XYLT1: variants seen among roughly 807,000 people sequenced by gnomAD.
XYLT1 encodes the protein beta-D-xylosyltransferase 1.
XYLT1 carries 36 observed loss-of-function variants against 91.3 expected under a neutral mutation model. The observed-to-expected ratio is 0.39, with a 90% confidence interval of 0.30 to 0.52. The LOEUF (loss-of-function observed/expected upper bound fraction) is 0.52. Ranked by LOEUF, XYLT1 falls within the 20% of genes least tolerant of loss-of-function variation. The pLI is 0.68. For missense variants in XYLT1, 1,242 were observed against 1,284.5 expected (o/e 0.97, Z 0.51); for synonymous variants, 588 against 532.0 (o/e 1.11, Z -1.45).
At position 17,149,101 on chromosome 16, in the gene XYLT1, A is replaced by G. The variant is rs140472829; in HGVS notation, c.1371-7732T>C. On this transcript the variant is annotated intron_variant, in intron 6 of 11. Transcript: ENST00000261381. ...CTGAGCATCAAAGTAAATCAGACAG[A>G]GGGTGGGAAGAAGTCCTGATTCTCC... 1.4e-3 allele frequency among the ~76,000 whole-genome samples: 206 copies of G among 152,350 alleles called. 4 individuals are homozygous for G. Among genetic ancestry groups the G allele is most frequent in the African/African-American group, 4.9e-3 (202 of 41,586 alleles).
chr16:17,134,833 G>C, intron 8 of XYLT1, 98 bp from the exon 9 acceptor site: 2 of 1,446,512 alleles, frequency 1.4e-6, no homozygotes, highest in Admixed American at 2.0e-5. Flanking sequence ...GCAAAGCTCT[G>C]CTGGACCCGA....
intron 5 of XYLT1, among the ~76,000 whole-genome samples, chr16:17,191,595 G>A (rs1047696010): frequency 6.6e-6 from 1 of 152,222 alleles, no homozygotes; most frequent in Non-Finnish European, 1.5e-5. Context: ...TAGGTGTGCA[G>A]TAAGTGTCTG....
chr16:17,328,392 C>CA (rs1304515096), intron 2 of XYLT1, among the ~76,000 whole-genome samples: 8 of 151,172 alleles, frequency 5.3e-5, no homozygotes, highest in East Asian at 1.9e-4. Context: ...ACTAAAAATA[C>CA]AAAAAAATTA....
intron 3 of XYLT1, among the ~76,000 whole-genome samples, chr16:17,230,277 C>A (rs1012251948): frequency 1.3e-5 from 2 of 152,290 alleles, no homozygotes; most frequent in South Asian, 2.1e-4. Flanking sequence ...CCCAACTGTC[C>A]TTCCCATGAT....
chr16:17,364,354 C>A (rs1397877153), intron 1 of XYLT1, among the ~76,000 whole-genome samples: 1 of 152,152 alleles, frequency 6.6e-6, no homozygotes, highest in Non-Finnish European at 1.5e-5. Flanking sequence ...CCAGACTGTC[C>A]CAGGAAACCC....
intron 3 of XYLT1, among the ~76,000 whole-genome samples, chr16:17,210,053 C>G (rs1264478026): frequency 6.6e-6 from 1 of 152,170 alleles, no homozygotes; most frequent in African/African-American, 2.4e-5. Context: ...AACACCACAC[C>G]TGGCTAATTA....
intron 2 of XYLT1, among the ~76,000 whole-genome samples, chr16:17,276,307 G>A (rs2033973068): frequency 6.6e-6 from 1 of 152,198 alleles, no homozygotes; most frequent in African/African-American, 2.4e-5. Flanking sequence ...TCTGCTCTCT[G>A]TAAGCTGCGG....
intron 1 of XYLT1, among the ~76,000 whole-genome samples, chr16:17,395,922 G>C (rs564804898): frequency 6.6e-6 from 1 of 152,282 alleles, no homozygotes; most frequent in African/African-American, 2.4e-5. Context: ...TCAGCCAAGG[G>C]GGGCTGTGAT....
chr16:17,358,852 T>C (rs1351354994), intron 1 of XYLT1, among the ~76,000 whole-genome samples: 1 of 152,154 alleles, frequency 6.6e-6, no homozygotes, highest in Non-Finnish European at 1.5e-5. Context: ...AGCAGCTTAA[T>C]TTCTGGTTTG....
At chr16:17,243,178 T>A (rs2033374083) in intron 3 of XYLT1, among the ~76,000 whole-genome samples, 1 of 152,208 alleles carries the variant, frequency 6.6e-6, no homozygotes, top group East Asian at 1.9e-4. Context: ...AGCCTCTGCT[T>A]TAATAATTCA....
Position 17,107,585 on chromosome 16 carries a change from A to G in XYLT1, c.*1110T>C, listed in dbSNP as rs1966795118. On this transcript the variant is annotated 3_prime_UTR_variant, in exon 12 of 12. Coordinates refer to ENST00000261381, the MANE Select transcript of XYLT1 (RefSeq NM_022166.4). The stretch of plus-strand genomic sequence containing the variant: ...CTGAAATGCTATTTCCTGGACGGGA[A>G]AAGTCTGGTTCATGTGGTTTGGTCA... 6.6e-6 allele frequency: 1 copy of G among 152,662 alleles called. No homozygotes were observed. The highest frequency in any genetic ancestry group is 2.1e-4 in the South Asian group (1 of 4,834). The allele number at this position is 152,662 out of a possible 1,614,324, so 9.5% of individuals were successfully genotyped here.
At position 17,229,364 on chromosome 16, in the gene XYLT1, T is replaced by G. The variant is rs540042275; in HGVS notation, c.914-28710A>C. On this transcript the variant is annotated intron_variant, in intron 3 of 11. Coordinates refer to ENST00000261381, the MANE Select transcript of XYLT1 (RefSeq NM_022166.4). ...CAGCTGTGGGCTTATGTGGACCGGA[T>G]GAATGTGACTGTAGTTACACCTAGA... 2.0e-5 allele frequency among the ~76,000 whole-genome samples: 3 copies of G among 152,266 alleles called. No homozygotes were observed. The South Asian group carries it at 6.2e-4, about 32-fold the overall frequency.
chr16:17,126,956 C>A lies in XYLT1; in HGVS notation c.2223+710G>T, dbSNP rs530091903. ...ATCAATGAGTGACCAGATAAAGCAA[C>A]AAGATAATTTTAGATAGTAAATGCT... On this transcript the variant is annotated intron_variant, in intron 10 of 11. Coordinates refer to ENST00000261381, the MANE Select transcript of XYLT1 (RefSeq NM_022166.4). Among the ~76,000 whole-genome samples, 12 of 152,250 alleles carry A rather than the reference C, an allele frequency of 7.9e-5. No homozygotes were observed. In the South Asian group the frequency reaches 2.5e-3, roughly 32 times the overall value.
rs145626087 is a variant in XYLT1, at chr16:17,166,599, C to T, written c.1290-7690G>A. 2.8e-3 allele frequency among the ~76,000 whole-genome samples: 432 copies of T among 152,132 alleles called. 1 individual carries two copies. Among genetic ancestry groups the T allele is most frequent in the African/African-American group, 0.01 (421 of 41,478 alleles). The stretch of plus-strand genomic sequence containing the variant: ...CGATCTCCGCTTACAGTAACCTCCA[C>T]CTCCTGGGTTCGAGAGATTCTCCTG... On this transcript the variant is annotated intron_variant, in intron 5 of 11. Coordinates refer to ENST00000261381, the MANE Select transcript of XYLT1 (RefSeq NM_022166.4).
intron 1 of XYLT1, among the ~76,000 whole-genome samples, chr16:17,369,373 G>A (rs2035497942): frequency 2.6e-5 from 4 of 152,086 alleles, no homozygotes; most frequent in Admixed American, 1.3e-4. Context: ...TCTGATTTGT[G>A]GCTTTTCGTG....
intron 2 of XYLT1, among the ~76,000 whole-genome samples, chr16:17,327,885 G>A (rs1216363068): frequency 2.0e-5 from 3 of 152,026 alleles, no homozygotes; most frequent in African/African-American, 2.4e-5. Flanking sequence ...TCTGGCTCTT[G>A]AAGCATAACT....
At chr16:17,423,572 T>C (rs2036275353) in intron 1 of XYLT1, among the ~76,000 whole-genome samples, 1 of 152,124 alleles carries the variant, frequency 6.6e-6, no homozygotes, top group Non-Finnish European at 1.5e-5. Context: ...CCCTGGGCTT[T>C]TGTGCAGGAG....
chr16:17,114,619 C>T (rs1966848373), intron 11 of XYLT1, among the ~76,000 whole-genome samples: 1 of 152,170 alleles, frequency 6.6e-6, no homozygotes, highest in African/African-American at 2.4e-5. Flanking sequence ...AAGGCACCTC[C>T]TCCCCATGCT....
chr16:17,220,497 T>C (rs1211345320), intron 3 of XYLT1, among the ~76,000 whole-genome samples: 1 of 152,092 alleles, frequency 6.6e-6, no homozygotes, highest in Non-Finnish European at 1.5e-5. Context: ...TTTTGAGACG[T>C]AGTCCCACTC....
Sources: gnomAD v4.1 joint callset for allele counts (sites outside exome capture counted in the v4.1 genomes callset) on GRCh38, gnomAD v4.1.1 for gene constraint, MANE v1.5 for transcripts, NCBI Gene and HGNC (gene_info 2026-07-23, HGNC 2026-07-21) for gene names.